PFKFB3: variants seen among roughly 807,000 people sequenced by gnomAD.
The protein encoded by PFKFB3 is 6-phosphofructo-2-kinase/fructose-2,6-bisphosphatase 3.
In PFKFB3, 33 loss-of-function variants were observed where a neutral mutation model predicts 68.0. The observed-to-expected ratio is 0.49, with a 90% confidence interval of 0.37 to 0.65. The LOEUF is 0.65. PFKFB3 is among the 30% of genes least tolerant of loss of function. PFKFB3 has a pLI of 0.00. For synonymous variants in PFKFB3, 315 were observed against 288.2 expected, an observed-to-expected ratio of 1.09 and a Z score of -0.94; for missense variants, 586 against 712.2, an observed-to-expected ratio of 0.82 and a Z score of 2.02.
upstream of PFKFB3, among the ~76,000 whole-genome samples, chr10:6,200,997 A>G (rs979086748): frequency 1.3e-5 from 2 of 152,182 alleles, no homozygotes; most frequent in South Asian, 2.1e-4. Flanking sequence ...GGAGTGTGGA[A>G]GAAGGCCCCC....
chr10:6,315,835 A>G, the PFKFB3 span, among the ~76,000 whole-genome samples: 2 of 152,226 alleles, frequency 1.3e-5, no homozygotes, highest in African/African-American at 2.4e-5. Context: ...TTTTGGGACA[A>G]TAGGTGATAC....
rs755633831 is a variant in PFKFB3, at chr10:6,229,192, C to T, written c.1515+2827C>T. On this transcript the variant is annotated intron_variant, in intron 14 of 14. Transcript: ENST00000379775. The surrounding 1 kb of genome is among the most constrained non-coding windows in gnomAD (Gnocchi z 4.3). ...TGGAAATGGGAGAGGTTTGGCATGG[C>T]GCTCAGATTTTGGTGGCAAAGGGGT... is the stretch of plus-strand genomic sequence containing the variant. 3.6e-5 allele frequency: 17 copies of T among 478,640 alleles called. 2 individuals are homozygous for T. The highest frequency in any genetic ancestry group is 4.3e-5 in the African/African-American group (2 of 46,882). The allele number at this position is 478,640 out of a possible 1,614,324, so 29.6% of individuals were successfully genotyped here.
At chr10:6,313,640 C>T in the PFKFB3 span, among the ~76,000 whole-genome samples, 2 of 152,140 alleles carry the variant, frequency 1.3e-5, no homozygotes, top group East Asian at 3.8e-4. This position sits in a 1 kb window ranked among gnomAD's most constrained non-coding sequence, Gnocchi z 4.2. Flanking sequence ...GGCTGTGCTG[C>T]GGTTTCATGA....
At chr10:6,296,585 A>C in the PFKFB3 span, among the ~76,000 whole-genome samples, 4 of 152,228 alleles carry the variant, frequency 2.6e-5, no homozygotes, top group Non-Finnish European at 5.9e-5. Context: ...TGGATTATTC[A>C]TGAGTTTTCT....
At chr10:6,160,328 G>A (rs981067291) in intron 1 of PFKFB3, among the ~76,000 whole-genome samples, 3 of 152,146 alleles carry the variant, frequency 2.0e-5, no homozygotes, top group Non-Finnish European at 4.4e-5. Flanking sequence ...AGTGATGAGA[G>A]CCTGAGATGA....
chr10:6,263,020 G>GAC, the PFKFB3 span, among the ~76,000 whole-genome samples: 35 of 151,864 alleles, frequency 2.3e-4, no homozygotes, highest in African/African-American at 4.8e-4. Context: ...AGGAATTAAA[G>GAC]ACACACACAC....
chr10:6,157,448 G>T (rs553655973), intron 1 of PFKFB3, among the ~76,000 whole-genome samples: 3 of 152,178 alleles, frequency 2.0e-5, no homozygotes, highest in African/African-American at 7.2e-5. Flanking sequence ...GGATGGTCTC[G>T]ATCTCCTGAC....
intron 10 of PFKFB3, among the ~76,000 whole-genome samples, chr10:6,222,498 G>A (rs1046962663): frequency 2.0e-5 from 3 of 152,124 alleles, no homozygotes; most frequent in Non-Finnish European, 2.9e-5. Flanking sequence ...GTTAGGAGCC[G>A]CTCCCGCCTG....
At position 6,224,253 on chromosome 10, in the gene PFKFB3, A is replaced by G. The variant is rs1385138399; in HGVS notation, c.1341+40A>G. On this transcript the variant is annotated intron_variant, in intron 13 of 14. Transcript: ENST00000379775. ...CAAGCCTCATCCTGGCCATCATCAC[A>G]CGATAGCCCTAGTGGGTGATGGGCG... The G allele has an allele frequency of 7.5e-6, 12 of 1,595,662 alleles. No homozygotes were observed. In the South Asian group the frequency reaches 9.9e-5, roughly 13 times the overall value.
chr10:6,213,481 T>C lies in PFKFB3; in HGVS notation c.77-142T>C, dbSNP rs111831062. The C allele has an allele frequency of 2.1e-3, 1,909 of 905,156 alleles. 22 individuals carry two copies. In the African/African-American group the frequency reaches 0.026, roughly 12 times the overall value. The allele number at this position is 905,156 out of a possible 1,614,324, so 56.1% of individuals were successfully genotyped here. On this transcript the variant is annotated intron_variant, in intron 1 of 14. Coordinates refer to ENST00000379775, the MANE Select transcript of PFKFB3 (RefSeq NM_004566.4). ...GCTGCAGTAATCATGGTGGCCACCG[T>C]GCTCCCGCCTGGGCAACAGAGTGAG... is the stretch of plus-strand genomic sequence containing the variant.
chr10:6,319,144 C>T, the PFKFB3 span, among the ~76,000 whole-genome samples: 128 of 152,314 alleles, frequency 8.4e-4, no homozygotes, highest in African/African-American at 2.9e-3. Flanking sequence ...CATTTGATCA[C>T]CAATCCTGCT....
chr10:6,306,243 G>A, the PFKFB3 span, among the ~76,000 whole-genome samples: 39 of 152,316 alleles, frequency 2.6e-4, no homozygotes, highest in African/African-American at 8.2e-4. Flanking sequence ...GGGCAAAGGG[G>A]GTTCCAGTTT....
chr10:6,225,515 C>A (rs1016683204), intron 13 of PFKFB3, among the ~76,000 whole-genome samples: 9 of 152,232 alleles, frequency 5.9e-5, no homozygotes, highest in Non-Finnish European at 1.2e-4. Flanking sequence ...GGAGCTCTTC[C>A]CTGCAGGGAA....
At position 6,220,855 on chromosome 10, in the gene PFKFB3, G is replaced by C; in HGVS notation, c.821G>C (p.Arg274Pro). 1 of 1,611,174 alleles carries C rather than the reference G, an allele frequency of 6.2e-7. No homozygotes were observed. The highest frequency in any genetic ancestry group is 8.5e-7 in the Non-Finnish European group (1 of 1,179,940). ...RIGGDSGLSSRGKKFASALSK... is the reference protein window; with the variant it reads ...RIGGDSGLSSPGKKFASALSK... Reference sequence around the variant, plus strand: ...GGGGGCGACTCAGGCCTGTCCAGCCGGGGCAAGAAGGTGCGGGGTGTGCTG... The same window carrying C: ...GGGGGCGACTCAGGCCTGTCCAGCCCGGGCAAGAAGGTGCGGGGTGTGCTG... Residue 274 changes from arginine to proline, a missense_variant, in exon 8 of 15, where the codon CGG becomes CCG. Physicochemically the swap from Arg to Pro is moderately radical, Grantham distance 103. Transcript: ENST00000379775. This position sits in a 1 kb window ranked among gnomAD's most constrained non-coding sequence, Gnocchi z 4.1.
In PFKFB3 at chr10:6,218,483, C is replaced by T. The variant is rs112061782; in HGVS notation, c.499-1086C>T. 7.2e-3 allele frequency among the ~76,000 whole-genome samples: 1,098 copies of T among 151,826 alleles called. 9 individuals carry two copies. The highest frequency in any genetic ancestry group is 0.026 in the African/African-American group (1,059 of 41,342). ...TCCTTCTGTTGCCCAGGCTGGAATG[C>T]AGTGACACGGTCTTGGCTCACTGCA... On this transcript the variant is annotated intron_variant, in intron 6 of 14. Transcript: ENST00000379775.
the PFKFB3 span, among the ~76,000 whole-genome samples, chr10:6,310,311 C>A: frequency 6.6e-6 from 1 of 151,534 alleles, no homozygotes; most frequent in Non-Finnish European, 1.5e-5. Context: ...CTTTTTTTGC[C>A]GTGTTAGTTA....
chr10:6,304,516 C>T, the PFKFB3 span, among the ~76,000 whole-genome samples: 20 of 149,726 alleles, frequency 1.3e-4, no homozygotes, highest in East Asian at 3.9e-4. Context: ...TTAGCCATCA[C>T]GCCTGGCTAA....
chr10:6,257,975 G>C (rs1030152536), downstream of PFKFB3, among the ~76,000 whole-genome samples: 15 of 152,010 alleles, frequency 9.9e-5, no homozygotes, highest in African/African-American at 3.1e-4. Flanking sequence ...GAGTTATAGG[G>C]GTCAACACCT....
the PFKFB3 span, among the ~76,000 whole-genome samples, chr10:6,302,807 T>TA: frequency 6.6e-5 from 10 of 151,354 alleles, no homozygotes; most frequent in African/African-American, 9.7e-5. Context: ...TATATATATA[T>TA]TTGTGTGTGT....
Sources: gnomAD v4.1 joint callset for allele counts (sites outside exome capture counted in the v4.1 genomes callset) on GRCh38, gnomAD v4.1.1 for gene constraint, Gnocchi (gnomAD v3.1) non-coding constraint, MANE v1.5 for transcripts, NCBI Gene and HGNC (gene_info 2026-07-23, HGNC 2026-07-21) for gene names.